NUP205: variants seen among roughly 807,000 people sequenced by gnomAD.
The protein encoded by NUP205 is nuclear pore complex protein Nup205.
NUP205 carries 76 observed loss-of-function variants against 253.8 expected under a neutral mutation model. The ratio of observed to expected loss-of-function variants is 0.30; its 90% CI spans 0.25 to 0.36. NUP205 has a LOEUF of 0.36. NUP205 is among the 10% of genes least tolerant of loss of function. The pLI is 1.00. For missense variants in NUP205, 2,162 were observed against 2,425.5 expected, an observed-to-expected ratio of 0.89 and a Z score of 2.28; for synonymous variants, 832 against 850.1, an observed-to-expected ratio of 0.98 and a Z score of 0.37.
intron 35 of NUP205, among the ~76,000 whole-genome samples, chr7:135,631,091 G>A (rs1394650030): frequency 7.1e-6 from 1 of 141,832 alleles, no homozygotes; most frequent in East Asian, 2.8e-4. Flanking sequence ...AAGGGAGGGG[G>A]AGAGAGAGAA....
At chr7:135,642,209 C>T (rs576246604) in intron 38 of NUP205, among the ~76,000 whole-genome samples, 2 of 150,692 alleles carry the variant, frequency 1.3e-5, no homozygotes, top group East Asian at 3.9e-4. Context: ...GAGCCGAGAT[C>T]GAACCACTGT....
intron 10 of NUP205, among the ~76,000 whole-genome samples, chr7:135,589,664 T>G (rs1207748031): frequency 6.6e-6 from 1 of 151,420 alleles, no homozygotes; most frequent in East Asian, 1.9e-4. Context: ...GGCACGGTGC[T>G]TCACACCTGT....
At chr7:135,599,003 A>G (rs2129490466) in intron 15 of NUP205, 1 of 152,068 alleles carries the variant, frequency 6.6e-6, no homozygotes, top group East Asian at 1.9e-4. Context: ...TTTCTGCTTT[A>G]TTTTGGTAGT....
intron 22 of NUP205, among the ~76,000 whole-genome samples, chr7:135,613,056 A>C (rs1217004546): frequency 6.6e-6 from 1 of 151,856 alleles, no homozygotes; most frequent in Non-Finnish European, 1.5e-5. Context: ...ACTGTACTCC[A>C]ACCTGGGTGA....
chr7:135,616,620 C>T, intron 24 of NUP205, 35 bp from the exon 25 acceptor site: 2 of 1,271,980 alleles, frequency 1.6e-6, no homozygotes, highest in South Asian at 2.9e-5. Context: ...GTATGTTCTT[C>T]TTTTTCTGAT....
intron 39 of NUP205, among the ~76,000 whole-genome samples, 171 bp downstream of exon 39, chr7:135,643,529 A>G (rs1248514764): frequency 1.3e-5 from 2 of 152,228 alleles, no homozygotes; most frequent in Non-Finnish European, 2.9e-5. Context: ...TTATAAGCAT[A>G]GAAACTCTTG....
chr7:135,570,171 A>G (rs1459736663), intron 1 of NUP205, among the ~76,000 whole-genome samples: 2 of 151,652 alleles, frequency 1.3e-5, no homozygotes, highest in Non-Finnish European at 2.9e-5. Flanking sequence ...GGTTCAGCTG[A>G]TATTCCAATT....
Position 135,618,693 on chromosome 7 carries a change from G to A in NUP205, c.3963+90G>A, listed in dbSNP as rs1000614395. 7 of 1,133,802 alleles carry A rather than the reference G, an allele frequency of 6.2e-6. No individual in the cohort carries two copies. The Admixed American group carries it at 7.0e-5, about 11-fold the overall frequency. The allele number at this position is 1,133,802 out of a possible 1,614,324, so 70.2% of individuals were successfully genotyped here. On this transcript the variant is annotated intron_variant, in intron 28 of 42. Coordinates refer to ENST00000285968, the MANE Select transcript of NUP205 (RefSeq NM_015135.3). Reference sequence around the variant, plus strand: ...GGCATCCTAATTGTTTTCCATTTTCGATTGGGAGTAAAATAGAATTGTGCA... The same window carrying A: ...GGCATCCTAATTGTTTTCCATTTTCAATTGGGAGTAAAATAGAATTGTGCA...
At chr7:135,627,931 C>G in intron 33 of NUP205, 42 bp from the exon 34 acceptor site, 1 of 1,607,250 alleles carries the variant, frequency 6.2e-7, no homozygotes, top group Non-Finnish European at 8.5e-7. Context: ...GAGAGTATAC[C>G]TTAATTCTTG....
At chr7:135,615,323 G>A (rs1282260318) in intron 23 of NUP205, among the ~76,000 whole-genome samples, 1 of 152,136 alleles carries the variant, frequency 6.6e-6, no homozygotes, top group East Asian at 1.9e-4. Flanking sequence ...TGCTTAGGTA[G>A]GCTGAGACAG....
intron 42 of NUP205, among the ~76,000 whole-genome samples, chr7:135,647,610 C>G (rs1563143006): frequency 6.6e-6 from 1 of 152,160 alleles, no homozygotes; most frequent in Non-Finnish European, 1.5e-5. Flanking sequence ...GCCTCAACCC[C>G]CTGGGCTCAA....
rs1185348174 is a variant in NUP205, at chr7:135,602,848, T to G, written c.2556T>G (p.Leu852=). 7 of 1,613,916 alleles carry G rather than the reference T, an allele frequency of 4.3e-6. No individual in the cohort carries two copies. In the East Asian group the frequency reaches 1.1e-4, roughly 26 times the overall value. ...AAGCAGTACAGCATTGCCTTGCACT[T>G]CTCAATCTTACTCTGCAAAAGGAAA... ...LEKAVQHCLA[L]LNLTLQKENL... The change falls in exon 18 of 43, where the codon CTT becomes CTG. Residue 852 remains leucine (L), a synonymous_variant. Transcript: ENST00000285968.
In NUP205 at chr7:135,570,050, T is replaced by TAG. The variant is rs768445558; in HGVS notation, c.29-1054_29-1053insGA. On this transcript the variant is annotated intron_variant, in intron 1 of 42. Coordinates refer to ENST00000285968, the MANE Select transcript of NUP205 (RefSeq NM_015135.3). Reference sequence around the variant, plus strand: ...TGTTTTATATATATATATATATATATATAGAGAGAGAGAGAGAGAGAGAGA... The same window carrying TAG: ...TGTTTTATATATATATATATATATATAGATAGAGAGAGAGAGAGAGAGAGAGA... 8.9e-3 allele frequency among the ~76,000 whole-genome samples: 792 copies of TAG among 88,818 alleles called. 2 individuals carry two copies. Among genetic ancestry groups the TAG allele is most frequent in the Middle Eastern group, 0.013 (2 of 160 alleles). 58.3% of individuals were successfully genotyped at this position (88,818 alleles called of 152,430 possible). A position where few individuals can be genotyped will look rare whatever the true frequency, so the allele number is the denominator to read the frequency against.
intron 30 of NUP205, among the ~76,000 whole-genome samples, chr7:135,621,853 A>G (rs1244650101): frequency 2.0e-5 from 3 of 152,068 alleles, no homozygotes; most frequent in Non-Finnish European, 4.4e-5. Flanking sequence ...CCCAAGCTGG[A>G]GTACAGCGGT....
intron 1 of NUP205, among the ~76,000 whole-genome samples, chr7:135,566,067 A>G (rs76033914): frequency 0.025 from 3,825 of 152,304 alleles, 80 homozygotes; most frequent in South Asian, 0.077. Context: ...AGACAGATAC[A>G]TAAACCAGTA....
intron 2 of NUP205, 59 bp downstream of exon 2, chr7:135,571,306 G>A (rs141765692): frequency 8.9e-7 from 1 of 1,121,724 alleles, no homozygotes; most frequent in Non-Finnish European, 1.2e-6. Flanking sequence ...ATCGAGGAAG[G>A]AAGTAAACTC....
intron 22 of NUP205, among the ~76,000 whole-genome samples, chr7:135,612,863 T>C (rs2129491093): frequency 6.6e-6 from 1 of 152,338 alleles, no homozygotes; most frequent in South Asian, 2.1e-4. Flanking sequence ...TTATACTAGG[T>C]ATTAATAGTG....
intron 7 of NUP205, among the ~76,000 whole-genome samples, chr7:135,580,220 T>C (rs1331499163): frequency 6.6e-6 from 1 of 152,214 alleles, no homozygotes; most frequent in Non-Finnish European, 1.5e-5. Context: ...TTTTCACTAG[T>C]GTCATGCTGT....
intron 31 of NUP205, among the ~76,000 whole-genome samples, chr7:135,624,440 G>A (rs927823072): frequency 1.3e-5 from 2 of 151,894 alleles, no homozygotes; most frequent in African/African-American, 4.8e-5. Flanking sequence ...GCAGTGGCAC[G>A]ATCTCGGCTC....
Sources: allele counts gnomAD v4.1 joint callset (sites outside exome capture counted in the v4.1 genomes callset), GRCh38; gene constraint gnomAD v4.1.1; transcripts MANE v1.5; gene names NCBI Gene and HGNC (gene_info 2026-07-23, HGNC 2026-07-21).